The following SPOCK3 variants were observed in gnomAD, a reference collection of about 807,000 sequenced individuals.
SPOCK3 encodes SPARC (osteonectin), cwcv and kazal like domains proteoglycan 3.
SPOCK3 carries 30 observed loss-of-function variants against 56.6 expected under a neutral mutation model. The ratio of observed to expected loss-of-function variants is 0.53; its 90% CI spans 0.40 to 0.72. The LOEUF is 0.72. Among genes scored for constraint, SPOCK3 ranks in the 30% least tolerant of loss-of-function variants. The probability of loss-of-function intolerance (pLI) is 0.00; values close to 1 mark genes in which losing one functional copy is unlikely to be tolerated. For synonymous variants in SPOCK3, 196 were observed against 183.3 expected (o/e 1.07, Z -0.56); for missense variants, 527 against 530.0 (o/e 0.99, Z 0.06).
At chr4:166,914,655 C>T (rs1007629579) in intron 4 of SPOCK3, among the ~76,000 whole-genome samples, 5 of 151,898 alleles carry the variant, frequency 3.3e-5, no homozygotes, top group African/African-American at 9.7e-5. Flanking sequence ...CCATAATCCC[C>T]GCTACTCAGG....
At chr4:166,911,799 G>C (rs1479239600) in intron 5 of SPOCK3, among the ~76,000 whole-genome samples, 2 of 152,178 alleles carry the variant, frequency 1.3e-5, no homozygotes, top group African/African-American at 2.4e-5. Context: ...GGCCTCACAA[G>C]TGCTGGGGTT....
intron 3 of SPOCK3, among the ~76,000 whole-genome samples, chr4:167,031,356 T>C (rs1459181025): frequency 6.6e-6 from 1 of 152,014 alleles, no homozygotes; most frequent in Non-Finnish European, 1.5e-5. Flanking sequence ...ACAAATCTAC[T>C]TGATATTATT....
chr4:167,230,536 T>G, intron 2 of SPOCK3, among the ~76,000 whole-genome samples: 1 of 148,962 alleles, frequency 6.7e-6, no homozygotes, highest in Middle Eastern at 3.5e-3. Context: ...ATGTAACCAG[T>G]ATATCTACTG....
intron 6 of SPOCK3, among the ~76,000 whole-genome samples, chr4:166,873,056 A>G (rs1383270678): frequency 5.9e-5 from 9 of 152,146 alleles, no homozygotes; most frequent in Non-Finnish European, 1.3e-4. Flanking sequence ...ATTAGTCTCC[A>G]TGAGGGATCT....
intron 3 of SPOCK3, among the ~76,000 whole-genome samples, chr4:167,012,492 A>G (rs1290572152): frequency 6.6e-6 from 1 of 151,934 alleles, no homozygotes; most frequent in Admixed American, 6.6e-5. Flanking sequence ...ATGTAGTTAT[A>G]TTAGGTGATT....
intron 2 of SPOCK3, among the ~76,000 whole-genome samples, chr4:167,161,749 A>T (rs1765331271): frequency 1.3e-5 from 2 of 152,092 alleles, no homozygotes; most frequent in South Asian, 2.1e-4. Flanking sequence ...AGGGACATGG[A>T]TGAAGCTGGA....
rs559654898 is a variant in SPOCK3, at chr4:166,833,474, T to C, written c.590-41185A>G. ...TTCCAGCTCTAATAGTGGGTATGTG[T>C]ATTTCCTTTTGGTTCCTATCGGTTT... On this transcript the variant is annotated intron_variant, in intron 6 of 10. Transcript: ENST00000357545. Among the ~76,000 whole-genome samples, 158 of 152,304 alleles carry C rather than the reference T, an allele frequency of 1.0e-3. 1 individual carries two copies. The highest frequency in any genetic ancestry group is 3.7e-3 in the African/African-American group (152 of 41,574).
At chr4:167,179,745 G>T (rs1038848762) in intron 2 of SPOCK3, among the ~76,000 whole-genome samples, 1 of 152,090 alleles carries the variant, frequency 6.6e-6, no homozygotes, top group African/African-American at 2.4e-5. Context: ...TTCATTCACG[G>T]TATGTAAGAG....
At chr4:166,776,395 G>A (rs1322531251) in intron 7 of SPOCK3, among the ~76,000 whole-genome samples, 1 of 152,096 alleles carries the variant, frequency 6.6e-6, no homozygotes, top group African/African-American at 2.4e-5. Flanking sequence ...TCTGGTGACA[G>A]AGTGAGACTC....
intron 3 of SPOCK3, among the ~76,000 whole-genome samples, chr4:167,055,622 C>T (rs1754732929): frequency 6.6e-6 from 1 of 152,218 alleles, no homozygotes; most frequent in South Asian, 2.1e-4. Flanking sequence ...TTCCAACGGG[C>T]TTAAAATACG....
chr4:167,214,340 T>C (rs1735159333), intron 2 of SPOCK3, among the ~76,000 whole-genome samples: 1 of 152,138 alleles, frequency 6.6e-6, no homozygotes, highest in Non-Finnish European at 1.5e-5. Flanking sequence ...AAACCCCACT[T>C]GTCTCTCATT....
intron 3 of SPOCK3, among the ~76,000 whole-genome samples, chr4:167,028,374 A>AGAC (rs1751923405): frequency 7.2e-6 from 1 of 139,126 alleles, no homozygotes; most frequent in Non-Finnish European, 1.5e-5. Context: ...GAAACCGGTA[A>AGAC]AACAACAACA....
At chr4:167,170,168 T>C (rs1561287937) in intron 2 of SPOCK3, among the ~76,000 whole-genome samples, 1 of 152,208 alleles carries the variant, frequency 6.6e-6, no homozygotes, top group Non-Finnish European at 1.5e-5. Context: ...ATTTCTTATG[T>C]TTATGACCAG....
intron 2 of SPOCK3, among the ~76,000 whole-genome samples, chr4:167,199,174 A>C (rs2110910718): frequency 6.6e-6 from 1 of 152,108 alleles, no homozygotes; most frequent in Admixed American, 6.6e-5. Flanking sequence ...TTAGTATAAA[A>C]AATTTCAAGG....
intron 2 of SPOCK3, among the ~76,000 whole-genome samples, chr4:167,146,403 G>A (rs746364730): frequency 1.1e-4 from 16 of 151,978 alleles, no homozygotes; most frequent in Non-Finnish European, 2.2e-4. Context: ...ACAGATCAAC[G>A]AGACAGAAAA....
chr4:167,111,069 A>G (rs1365960433), intron 2 of SPOCK3, among the ~76,000 whole-genome samples: 1 of 152,002 alleles, frequency 6.6e-6, no homozygotes, highest in Admixed American at 6.6e-5. Context: ...AAAATAATTG[A>G]TGTGTTATTT....
intron 3 of SPOCK3, among the ~76,000 whole-genome samples, chr4:167,015,187 T>C (rs1374950528): frequency 2.0e-5 from 3 of 152,066 alleles, no homozygotes; most frequent in African/African-American, 7.2e-5. Flanking sequence ...AACCAAGTTA[T>C]GACATGAAAG....
At chr4:166,946,217 A>C (rs1484399856) in intron 4 of SPOCK3, among the ~76,000 whole-genome samples, 1 of 152,160 alleles carries the variant, frequency 6.6e-6, no homozygotes, top group East Asian at 1.9e-4. Context: ...TTCTTGATAC[A>C]GTTGCCAGAG....
intron 2 of SPOCK3, among the ~76,000 whole-genome samples, chr4:167,077,696 A>G (rs1230740520): frequency 6.6e-6 from 1 of 151,948 alleles, no homozygotes; most frequent in Non-Finnish European, 1.5e-5. Context: ...CCTCATTTGC[A>G]CCTTAATATG....
Sources: allele counts gnomAD v4.1 joint callset (sites outside exome capture counted in the v4.1 genomes callset), GRCh38; gene constraint gnomAD v4.1.1; transcripts MANE v1.5; gene names NCBI Gene and HGNC (gene_info 2026-07-23, HGNC 2026-07-21).